The following TMOD1 variants were observed in gnomAD, a reference collection of about 807,000 sequenced individuals.
The protein encoded by TMOD1 is tropomodulin-1.
Under a neutral mutation model 40.6 loss-of-function variants are expected in TMOD1, and 17 were observed. That is an observed-to-expected ratio of 0.42 (90% CI 0.29 to 0.63). The LOEUF is 0.63. Among genes scored for constraint, TMOD1 ranks in the 20% least tolerant of loss-of-function variants. TMOD1 has a pLI of 0.22. For synonymous variants in TMOD1, 181 were observed against 175.0 expected (o/e 1.03, Z -0.27); for missense variants, 391 against 447.6 (o/e 0.87, Z 1.14).
At chr9:97,538,790 T>A (rs1422839624) in intron 2 of TMOD1, among the ~76,000 whole-genome samples, 15 of 150,560 alleles carry the variant, frequency 1.0e-4, no homozygotes, top group Admixed American at 9.3e-4. Flanking sequence ...AGATCAGGAG[T>A]TTGACACCAG....
chr9:97,573,153 G>A (rs1830848963), intron 8 of TMOD1, among the ~76,000 whole-genome samples: 1 of 152,192 alleles, frequency 6.6e-6, no homozygotes, highest in Admixed American at 6.5e-5. Flanking sequence ...CTGCAGGCCC[G>A]GCCCAGGCCA....
chr9:97,583,445 T>C (rs1334810156), intron 8 of TMOD1, among the ~76,000 whole-genome samples: 2 of 151,772 alleles, frequency 1.3e-5, no homozygotes, highest in Non-Finnish European at 2.9e-5. Context: ...TCATCAAGGA[T>C]ATTGGTCGAA....
intron 2 of TMOD1, among the ~76,000 whole-genome samples, chr9:97,542,542 G>T (rs1234749272): frequency 1.3e-5 from 2 of 152,088 alleles, no homozygotes; most frequent in East Asian, 3.9e-4. Context: ...TCAATCAGGG[G>T]CAATTTTGCC....
chr9:97,549,959 A>G (rs975668075), intron 3 of TMOD1, among the ~76,000 whole-genome samples: 12 of 152,208 alleles, frequency 7.9e-5, no homozygotes, highest in African/African-American at 2.9e-4. Context: ...AACAATCCAC[A>G]ACATTGTGCA....
chr9:97,510,162 T>C (rs2131207657), intron 1 of TMOD1, among the ~76,000 whole-genome samples: 1 of 152,312 alleles, frequency 6.6e-6, no homozygotes. Flanking sequence ...GCTATGAGGC[T>C]ATGTGATGAA....
intron 2 of TMOD1, among the ~76,000 whole-genome samples, chr9:97,526,627 A>G (rs12343175): frequency 0.011 from 1,602 of 152,278 alleles, 22 homozygotes; most frequent in African/African-American, 0.036. Context: ...CCATAAAGAA[A>G]ACAACACTTC....
Position 97,587,191 on chromosome 9 carries a change from A to G in TMOD1, c.871-4100A>G, listed in dbSNP as rs978571244. ...GTCTGGGTTGTTTCCAGGTTTGTCT[A>G]TTACATATAAAGCTGCTATAAACAT... is the stretch of plus-strand genomic sequence containing the variant. On this transcript the variant is annotated intron_variant, in intron 8 of 9. Transcript: ENST00000259365. Among the ~76,000 whole-genome samples, 6 of 152,336 alleles carry G rather than the reference A, an allele frequency of 3.9e-5. No individual in the cohort carries two copies. In the South Asian group the frequency reaches 6.2e-4, roughly 16 times the overall value.
intron 3 of TMOD1, 100 bp downstream of exon 3, chr9:97,546,441 G>T (rs1486156208): frequency 2.3e-6 from 3 of 1,297,140 alleles, no homozygotes; most frequent in Admixed American, 2.3e-5. Context: ...GGCCAAATGT[G>T]ACTGGGCCTC....
intron 1 of TMOD1, among the ~76,000 whole-genome samples, chr9:97,509,511 T>C (rs1339032893): frequency 8.3e-6 from 1 of 120,882 alleles, no homozygotes; most frequent in African/African-American, 3.0e-5. Flanking sequence ...TTTTTTTTTT[T>C]GTTTTTTGTT....
chr9:97,600,019 G>A lies in TMOD1; in HGVS notation c.*321G>A. ...CCAGGAGCCCAGTTTCAATGGCCTT[G>A]CTGTGTGGTGTTTCAAGTGCATTTA... On this transcript the variant is annotated 3_prime_UTR_variant, in exon 10 of 10. Coordinates refer to ENST00000259365, the MANE Select transcript of TMOD1 (RefSeq NM_003275.4). 3.5e-6 allele frequency: 4 copies of A among 1,136,050 alleles called. No individual in the cohort carries two copies. In the South Asian group the frequency reaches 7.9e-5, roughly 23 times the overall value. The allele number at this position is 1,136,050 out of a possible 1,614,324, so 70.4% of individuals were successfully genotyped here.
Position 97,566,852 on chromosome 9 carries a change from GTC to G in TMOD1, c.726+903_726+904del, listed in dbSNP as rs1325033556. ...AACATCCAGCACATATGTATTGAGA[GTC>G]TCTCTGTGCCCAACGCTGAATTAGG... On this transcript the variant is annotated intron_variant, in intron 7 of 9. Transcript: ENST00000259365. Among the ~76,000 whole-genome samples, 4 of 151,642 alleles carry G rather than the reference GTC, an allele frequency of 2.6e-5. No homozygotes were observed. In the East Asian group the frequency reaches 7.9e-4, roughly 30 times the overall value.
chr9:97,601,144 C>A lies in TMOD1; in HGVS notation c.*1446C>A, dbSNP rs1473424709. 7.7e-7 allele frequency: 1 copy of A among 1,303,748 alleles called. No individual in the cohort carries two copies. The highest frequency in any genetic ancestry group is 1.0e-6 in the Non-Finnish European group (1 of 988,798). 80.8% of individuals were successfully genotyped at this position (1,303,748 alleles called of 1,614,324 possible). A position where few individuals can be genotyped will look rare whatever the true frequency, so the allele number is the denominator to read the frequency against. ...GGCTGCACATGGCCCAGGAGTGGCA[C>A]CATGTTGCAGGGACAACCATCCCCA... On this transcript the variant is annotated 3_prime_UTR_variant, in exon 10 of 10. Transcript: ENST00000259365.
intron 4 of TMOD1, among the ~76,000 whole-genome samples, chr9:97,562,018 T>C (rs1176876867): frequency 6.6e-6 from 1 of 152,168 alleles, no homozygotes; most frequent in African/African-American, 2.4e-5. Context: ...CACTTTCAGC[T>C]CCATGAGCGG....
In TMOD1 at chr9:97,511,358, C is replaced by A. The variant is rs1015574049; in HGVS notation, c.-49+9555C>A. Among the ~76,000 whole-genome samples, 6 of 152,174 alleles carry A rather than the reference C, an allele frequency of 3.9e-5. No homozygotes were observed. The South Asian group carries it at 1.2e-3, about 31-fold the overall frequency. On this transcript the variant is annotated intron_variant, in intron 1 of 9. Transcript: ENST00000259365. ...CAATAGCTGGTCTCTAAGTCCCCAT[C>A]CTCCTCCATTCAGGGGCTCCACGCA...
intron 3 of TMOD1, among the ~76,000 whole-genome samples, chr9:97,552,713 G>A (rs1830472790): frequency 6.6e-6 from 1 of 152,148 alleles, no homozygotes; most frequent in Admixed American, 6.5e-5. Context: ...ACTAACTGCT[G>A]GAAGTCCATT....
At chr9:97,563,908 C>A in intron 5 of TMOD1, 130 bp from the exon 6 acceptor site, 16 of 1,200,672 alleles carry the variant, frequency 1.3e-5, no homozygotes, top group South Asian at 1.6e-5. Context: ...CCTACCCCCA[C>A]CCAGCCCCTG....
At chr9:97,567,848 C>T (rs968502922) in intron 7 of TMOD1, among the ~76,000 whole-genome samples, 1 of 152,132 alleles carries the variant, frequency 6.6e-6, no homozygotes, top group East Asian at 1.9e-4. Context: ...CTCAGCAAGG[C>T]AGGGGCGACG....
intron 2 of TMOD1, among the ~76,000 whole-genome samples, chr9:97,529,534 TAAA>T (rs546481120): frequency 1.1e-4 from 15 of 138,806 alleles, no homozygotes; most frequent in Admixed American, 2.2e-4. Context: ...TTGTGCACGT[TAAA>T]AAAAAAAAAA....
chr9:97,569,428 C>T (rs1830785833), intron 8 of TMOD1, among the ~76,000 whole-genome samples: 1 of 152,234 alleles, frequency 6.6e-6, no homozygotes. Context: ...TCATGGACCA[C>T]TAAGCTCTCC....
Sources: allele counts gnomAD v4.1 joint callset (sites outside exome capture counted in the v4.1 genomes callset), GRCh38; gene constraint gnomAD v4.1.1; transcripts MANE v1.5; gene names NCBI Gene and HGNC (gene_info 2026-07-23, HGNC 2026-07-21).